Variants in OSBPL11 observed in about 807,000 individuals in gnomAD.
OSBPL11 encodes the protein oxysterol binding protein like 11, also known as oxysterol-binding protein-related protein 11.
Under a neutral mutation model 84.4 loss-of-function variants are expected in OSBPL11, and 33 were observed. The observed-to-expected ratio is 0.39, with a 90% CI of 0.30 to 0.52. The LOEUF (loss-of-function observed/expected upper bound fraction) is 0.52, where lower values mean the gene tolerates loss of function less well. OSBPL11 is among the 20% of genes least tolerant of loss of function. The pLI, the probability that OSBPL11 is intolerant of heterozygous loss-of-function variation, is 0.72. For missense variants in OSBPL11, 736 were observed against 901.1 expected (o/e 0.82, Z 2.35); for synonymous variants, 276 against 310.2 (o/e 0.89, Z 1.16).
intron 8 of OSBPL11, among the ~76,000 whole-genome samples, chr3:125,554,638 GA>G (rs899160040): frequency 6.6e-6 from 1 of 151,280 alleles, no homozygotes; most frequent in African/African-American, 2.4e-5. Context: ...CAAAGGAGGG[GA>G]AAAAACAAAA....
chr3:125,578,700 G>C (rs1185414232), intron 4 of OSBPL11, among the ~76,000 whole-genome samples: 1 of 152,010 alleles, frequency 6.6e-6, no homozygotes, highest in Non-Finnish European at 1.5e-5. Context: ...GAACCCGGGA[G>C]GCAGAGGTTG....
At chr3:125,585,315 G>A (rs1300974087) in intron 1 of OSBPL11, among the ~76,000 whole-genome samples, 1 of 151,962 alleles carries the variant, frequency 6.6e-6, no homozygotes, top group African/African-American at 2.4e-5. Context: ...ATTTTTAGTA[G>A]AGATGGAGTT....
At chr3:125,577,647 G>A (rs1424728210) in intron 4 of OSBPL11, among the ~76,000 whole-genome samples, 1 of 151,866 alleles carries the variant, frequency 6.6e-6, no homozygotes. Context: ...GGCCAACATG[G>A]CGAAACCCCG....
chr3:125,578,104 C>A (rs1306627298), intron 4 of OSBPL11, among the ~76,000 whole-genome samples: 4 of 151,876 alleles, frequency 2.6e-5, no homozygotes, highest in Non-Finnish European at 4.4e-5. Context: ...ATTCATAATG[C>A]CTACAAAATG....
intron 5 of OSBPL11, among the ~76,000 whole-genome samples, chr3:125,569,907 T>C: frequency 6.6e-6 from 1 of 152,140 alleles, no homozygotes; most frequent in East Asian, 1.9e-4. Context: ...AGGAAGGGTG[T>C]TGTGATGAGG....
At chr3:125,537,621 G>A (rs1935661577) in intron 11 of OSBPL11, among the ~76,000 whole-genome samples, 1 of 152,084 alleles carries the variant, frequency 6.6e-6, no homozygotes, top group Non-Finnish European at 1.5e-5. Context: ...GTTAGAAATT[G>A]TTTGGTTCTA....
At chr3:125,587,774 CA>C (rs558648699) in intron 1 of OSBPL11, among the ~76,000 whole-genome samples, 21 of 151,828 alleles carry the variant, frequency 1.4e-4, no homozygotes, top group Non-Finnish European at 2.7e-4. Flanking sequence ...CCTGTCTCTA[CA>C]AAAAAAATTA....
chr3:125,540,363 A>C (rs1935711986), intron 10 of OSBPL11, among the ~76,000 whole-genome samples: 1 of 147,114 alleles, frequency 6.8e-6, no homozygotes, highest in South Asian at 2.2e-4. Flanking sequence ...AAAAAAGAGT[A>C]GTTGTATAGT....
At chr3:125,530,994 T>TTC (rs1553731286) in intron 12 of OSBPL11, among the ~76,000 whole-genome samples, 1 of 151,216 alleles carries the variant, frequency 6.6e-6, no homozygotes, top group Non-Finnish European at 1.5e-5. Context: ...CTTTTTTTTT[T>TTC]CCCCCAAGAC....
At chr3:125,541,340 T>A (rs1580036250) in intron 10 of OSBPL11, among the ~76,000 whole-genome samples, 1 of 152,216 alleles carries the variant, frequency 6.6e-6, no homozygotes, top group African/African-American at 2.4e-5. Flanking sequence ...TTGCCTGAAT[T>A]AATGAATGAG....
At chr3:125,559,628 C>T (rs1294493922) in intron 8 of OSBPL11, among the ~76,000 whole-genome samples, 2 of 152,106 alleles carry the variant, frequency 1.3e-5, no homozygotes, top group African/African-American at 4.8e-5. Context: ...GTGATCCGCC[C>T]ACCTCAGCCA....
chr3:125,543,677 G>C lies in OSBPL11; in HGVS notation c.1841+3729C>G, dbSNP rs376085478. On this transcript the variant is annotated intron_variant, in intron 10 of 12. Transcript: ENST00000296220. ...GCACTTTGAGAGGCCAAGGTGGGCAGATCACTTGAGGTCAGGAGTTCAAGA... is the reference window on the plus strand; with the variant it reads ...GCACTTTGAGAGGCCAAGGTGGGCACATCACTTGAGGTCAGGAGTTCAAGA... 3.3e-5 allele frequency among the ~76,000 whole-genome samples: 5 copies of C among 152,030 alleles called. No homozygotes were observed. The East Asian group carries it at 7.8e-4, about 24-fold the overall frequency.
At chr3:125,587,507 T>C (rs1342286511) in intron 1 of OSBPL11, among the ~76,000 whole-genome samples, 2 of 152,050 alleles carry the variant, frequency 1.3e-5, no homozygotes, top group Non-Finnish European at 2.9e-5. Flanking sequence ...TGGCAAGAGA[T>C]GGGCAGGGTC....
chr3:125,541,690 G>A (rs1391819492), intron 10 of OSBPL11, among the ~76,000 whole-genome samples: 3 of 152,100 alleles, frequency 2.0e-5, no homozygotes, highest in Admixed American at 6.6e-5. Flanking sequence ...CCATCCACCC[G>A]CCTCAACCTC....
intron 2 of OSBPL11, among the ~76,000 whole-genome samples, chr3:125,581,477 C>A (rs1376523134): frequency 1.3e-5 from 2 of 151,500 alleles, no homozygotes; most frequent in African/African-American, 4.8e-5. Flanking sequence ...GGGTGGACTG[C>A]CTGAGCTTAG....
intron 6 of OSBPL11, among the ~76,000 whole-genome samples, chr3:125,566,362 A>G (rs1257894356): frequency 2.0e-5 from 3 of 152,064 alleles, no homozygotes; most frequent in African/African-American, 7.2e-5. Context: ...TGGACTATGA[A>G]TTTTTTAAGA....
At chr3:125,550,400 CACACACAACA>C (rs1201259705) in intron 9 of OSBPL11, among the ~76,000 whole-genome samples, 1 of 125,024 alleles carries the variant, frequency 8.0e-6, no homozygotes, top group Non-Finnish European at 1.7e-5. Context: ...CACACACACA[CACACACAACA>C]AACAAAAAAA....
intron 10 of OSBPL11, among the ~76,000 whole-genome samples, chr3:125,542,394 G>A (rs1479347726): frequency 1.3e-5 from 2 of 151,052 alleles, no homozygotes; most frequent in Non-Finnish European, 2.9e-5. Context: ...ATCTCGGCTC[G>A]GCACAATCTC....
At chr3:125,541,243 T>C (rs1935725002) in intron 10 of OSBPL11, among the ~76,000 whole-genome samples, 1 of 152,226 alleles carries the variant, frequency 6.6e-6, no homozygotes, top group South Asian at 2.1e-4. Flanking sequence ...CTGTAAGCTC[T>C]TTAACAGGCA....
Sources: gnomAD v4.1 joint callset for allele counts (sites outside exome capture counted in the v4.1 genomes callset) on GRCh38, gnomAD v4.1.1 for gene constraint, MANE v1.5 for transcripts, NCBI Gene and HGNC (gene_info 2026-07-23, HGNC 2026-07-21) for gene names.